ENAH: variants seen among roughly 807,000 people sequenced by gnomAD.
The protein encoded by ENAH is ENAH actin regulator.
Under a neutral mutation model 78.7 loss-of-function variants are expected in ENAH, and 23 were observed. The ratio of observed to expected loss-of-function variants is 0.29; its 90% CI spans 0.21 to 0.41. ENAH has a LOEUF of 0.41. ENAH is among the 10% of genes least tolerant of loss of function. ENAH has a pLI of 1.00. For synonymous variants in ENAH, 226 were observed against 241.0 expected, an observed-to-expected ratio of 0.94 and a Z score of 0.58; for missense variants, 544 against 691.0, an observed-to-expected ratio of 0.79 and a Z score of 2.39.
At chr1:225,530,972 C>A (rs1312602577) in intron 3 of ENAH, 3 of 402,722 alleles carry the variant, frequency 7.4e-6, no homozygotes, top group African/African-American at 2.1e-5. Flanking sequence ...GACAATGAGA[C>A]ATTCTCTTTG....
chr1:225,514,920 A>C lies in ENAH; in HGVS notation c.914-20T>G. On this transcript the variant is annotated intron_variant, in intron 6 of 13. Coordinates refer to ENST00000366843, the MANE Select transcript of ENAH (RefSeq NM_018212.6). The stretch of plus-strand genomic sequence containing the variant: ...CAATGCCTGAGAGAGAGAAATGTTA[A>C]GTAAGACCATCAACAATAGAGCTGA... 6.3e-7 allele frequency: 1 copy of C among 1,594,380 alleles called. No homozygotes were observed. Among genetic ancestry groups the C allele is most frequent in the East Asian group, 2.2e-5 (1 of 44,752 alleles).
At chr1:225,587,568 C>T (rs1363161717) in intron 1 of ENAH, among the ~76,000 whole-genome samples, 1 of 152,130 alleles carries the variant, frequency 6.6e-6, no homozygotes, top group Non-Finnish European at 1.5e-5. Context: ...GTTAAGATGT[C>T]AAGTCTCTCC....
chr1:225,606,861 A>G (rs551713161), intron 1 of ENAH, among the ~76,000 whole-genome samples: 22 of 151,668 alleles, frequency 1.5e-4, no homozygotes, highest in African/African-American at 5.3e-4. Flanking sequence ...AAAAAAAAAA[A>G]AAAAAAAATT....
intron 1 of ENAH, among the ~76,000 whole-genome samples, chr1:225,570,292 C>G (rs1249753469): frequency 6.6e-6 from 1 of 152,128 alleles, no homozygotes; most frequent in Non-Finnish European, 1.5e-5. Flanking sequence ...TTATTCCTTT[C>G]CACAGCATCT....
intron 12 of ENAH, among the ~76,000 whole-genome samples, chr1:225,499,266 T>C (rs1030078975): frequency 6.6e-6 from 1 of 151,164 alleles, no homozygotes; most frequent in Non-Finnish European, 1.5e-5. Context: ...AGACTCTGTC[T>C]CAAAAAAAAA....
intron 1 of ENAH, among the ~76,000 whole-genome samples, chr1:225,633,637 TAAA>T (rs1029525836): frequency 2.0e-5 from 3 of 152,194 alleles, no homozygotes; most frequent in Admixed American, 6.5e-5. Context: ...TCCTACACTG[TAAA>T]ACAGCAATGA....
chr1:225,646,292 G>A (rs1471777219), intron 1 of ENAH, among the ~76,000 whole-genome samples: 1 of 152,100 alleles, frequency 6.6e-6, no homozygotes, highest in Non-Finnish European at 1.5e-5. Flanking sequence ...GGTAACTAAT[G>A]TTAAATTAAG....
rs2096241771 is a variant in ENAH, at chr1:225,494,851, A to C, written c.*2924T>G. The stretch of plus-strand genomic sequence containing the variant: ...AATTTTATTTCAATCGCACAAACGA[A>C]GTTAGCGTGTAGGAAACTTAAATGA... On this transcript the variant is annotated 3_prime_UTR_variant, in exon 14 of 14. Coordinates refer to ENST00000366843, the MANE Select transcript of ENAH (RefSeq NM_018212.6). 1 of 152,670 alleles carries C rather than the reference A, an allele frequency of 6.6e-6. No individual in the cohort carries two copies. The highest frequency in any genetic ancestry group is 2.1e-4 in the South Asian group (1 of 4,836). The allele number at this position is 152,670 out of a possible 1,614,324, so 9.5% of individuals were successfully genotyped here.
chr1:225,639,091 G>C (rs1310193527), intron 1 of ENAH, among the ~76,000 whole-genome samples: 1 of 152,128 alleles, frequency 6.6e-6, no homozygotes, highest in African/African-American at 2.4e-5. Flanking sequence ...TCTACAAAGT[G>C]AAAGTGCAAA....
intron 1 of ENAH, among the ~76,000 whole-genome samples, chr1:225,636,720 A>C (rs1326958614): frequency 6.6e-6 from 1 of 152,216 alleles, no homozygotes; most frequent in Non-Finnish European, 1.5e-5. Flanking sequence ...AAAAACAATC[A>C]ATAGTCATGA....
At chr1:225,623,378 A>T (rs1657345353) in intron 1 of ENAH, among the ~76,000 whole-genome samples, 1 of 152,188 alleles carries the variant, frequency 6.6e-6, no homozygotes, top group Non-Finnish European at 1.5e-5. Flanking sequence ...AGAAAAGAAA[A>T]AAAGAAATTA....
At chr1:225,651,378 C>T (rs1013179497) in intron 1 of ENAH, among the ~76,000 whole-genome samples, 11 of 151,182 alleles carry the variant, frequency 7.3e-5, no homozygotes, top group African/African-American at 2.7e-4. Flanking sequence ...AAAATGGAAA[C>T]ACGTTTAACC....
intron 4 of ENAH, among the ~76,000 whole-genome samples, chr1:225,527,846 T>C (rs959714873): frequency 5.3e-5 from 8 of 152,128 alleles, no homozygotes; most frequent in African/African-American, 1.9e-4. Context: ...GAGCACCTCC[T>C]CCGTGAACCT....
At chr1:225,568,435 T>C (rs887687472) in intron 1 of ENAH, among the ~76,000 whole-genome samples, 1 of 152,188 alleles carries the variant, frequency 6.6e-6, no homozygotes, top group African/African-American at 2.4e-5. Flanking sequence ...TCAAATATTC[T>C]AGGATATTAG....
At position 225,645,254 on chromosome 1, in the gene ENAH, C is replaced by A. The variant is rs535902606; in HGVS notation, c.5+7432G>T. The stretch of plus-strand genomic sequence containing the variant: ...GATCTTCTGGTGTTATTATATAGAT[C>A]TGTCTATTCTGGGCATTTCATATAA... On this transcript the variant is annotated intron_variant, in intron 1 of 13. Transcript: ENST00000366843. 1.8e-3 allele frequency among the ~76,000 whole-genome samples: 268 copies of A among 152,330 alleles called. 1 individual carries two copies. The highest frequency in any genetic ancestry group is 6.3e-3 in the African/African-American group (260 of 41,570).
rs2096205648 is a variant in ENAH, at chr1:225,487,643, G to A, written c.*10132C>T. 6.6e-6 allele frequency: 1 copy of A among 152,196 alleles called. No homozygotes were observed. The highest frequency in any genetic ancestry group is 2.4e-5 in the African/African-American group (1 of 41,442). 9.4% of individuals were successfully genotyped at this position (152,196 alleles called of 1,614,324 possible). A position where few individuals can be genotyped will look rare whatever the true frequency, so the allele number is the denominator to read the frequency against. ...AAGTCAACCTTAACTTTTAAAACAT[G>A]ACTTCAGTATACGCAACCTTAGGCT... is the stretch of plus-strand genomic sequence containing the variant. On this transcript the variant is annotated 3_prime_UTR_variant, in exon 14 of 14. Coordinates refer to ENST00000366843, the MANE Select transcript of ENAH (RefSeq NM_018212.6).
intron 1 of ENAH, among the ~76,000 whole-genome samples, chr1:225,594,820 CT>C: frequency 6.6e-6 from 1 of 152,258 alleles, no homozygotes; most frequent in Non-Finnish European, 1.5e-5. Flanking sequence ...GACATCTTTG[CT>C]ATAAGTACAA....
At chr1:225,535,013 G>A (rs1162975852) in intron 3 of ENAH, among the ~76,000 whole-genome samples, 1 of 151,978 alleles carries the variant, frequency 6.6e-6, no homozygotes, top group African/African-American at 2.4e-5. Context: ...AATAAAGGAG[G>A]CTGTCAATCA....
Position 225,504,941 on chromosome 1 carries a change from G to T in ENAH, c.1538+3010C>A. 2.7e-6 allele frequency: 4 copies of T among 1,461,000 alleles called. No homozygotes were observed. The South Asian group carries it at 4.7e-5, about 17-fold the overall frequency. The allele number at this position is 1,461,000 out of a possible 1,614,324, so 90.5% of individuals were successfully genotyped here. On this transcript the variant is annotated intron_variant, in intron 11 of 13. Coordinates refer to ENST00000366843, the MANE Select transcript of ENAH (RefSeq NM_018212.6). ...GGTAGAAAAAGCTCAGCCCTATCCT[G>T]AACATGTTATTTAAAAGTCTCAAAT...
Sources: gnomAD v4.1 joint callset for allele counts (sites outside exome capture counted in the v4.1 genomes callset) on GRCh38, gnomAD v4.1.1 for gene constraint, MANE v1.5 for transcripts, NCBI Gene and HGNC (gene_info 2026-07-23, HGNC 2026-07-21) for gene names.